Variants in LAMC3 observed in about 807,000 individuals in gnomAD.
LAMC3 encodes the protein laminin subunit gamma-3.
LAMC3 carries 128 observed loss-of-function variants against 173.8 expected under a neutral mutation model. That is an observed-to-expected ratio of 0.74 (90% confidence interval 0.64 to 0.85). The LOEUF (loss-of-function observed/expected upper bound fraction) is 0.85. LAMC3 is among the 40% of genes least tolerant of loss of function. The probability of loss-of-function intolerance (pLI) is 0.00; values close to 1 mark genes in which losing one functional copy is unlikely to be tolerated. For missense variants in LAMC3, 2,022 were observed against 2,156.0 expected (o/e 0.94, Z 1.23); for synonymous variants, 897 against 909.1 (o/e 0.99, Z 0.24).
chr9:131,064,386 G>A (rs537915723), intron 13 of LAMC3, among the ~76,000 whole-genome samples: 5 of 152,346 alleles, frequency 3.3e-5, no homozygotes, highest in East Asian at 3.9e-4. Context: ...GTACATGGCC[G>A]GGCACAGTGG....
At chr9:131,032,527 T>C (rs978704421) in intron 3 of LAMC3, among the ~76,000 whole-genome samples, 2 of 146,050 alleles carry the variant, frequency 1.4e-5, no homozygotes, top group Non-Finnish European at 3.0e-5. Flanking sequence ...TCTTGCTCTC[T>C]CTCGCTGTCT....
chr9:131,059,863 C>G (rs551074184), intron 12 of LAMC3, among the ~76,000 whole-genome samples: 19 of 152,316 alleles, frequency 1.2e-4, no homozygotes, highest in African/African-American at 4.1e-4. Flanking sequence ...GACAGTTCCC[C>G]CTGGATGCCA....
At chr9:131,013,801 C>G (rs1232232665) in intron 1 of LAMC3, among the ~76,000 whole-genome samples, 1 of 152,048 alleles carries the variant, frequency 6.6e-6, no homozygotes, top group African/African-American at 2.4e-5. Flanking sequence ...CCAGCCACAG[C>G]GAGGAGCCGG....
At chr9:131,044,238 G>A (rs947349334) in intron 7 of LAMC3, among the ~76,000 whole-genome samples, 16 of 151,608 alleles carry the variant, frequency 1.1e-4, no homozygotes, top group African/African-American at 2.4e-4. Flanking sequence ...CCGGCCAGGC[G>A]CGGTGGCTCA....
intron 23 of LAMC3, among the ~76,000 whole-genome samples, chr9:131,079,550 C>T (rs1469877165): frequency 1.3e-5 from 2 of 152,096 alleles, no homozygotes; most frequent in Non-Finnish European, 2.9e-5. Flanking sequence ...AAAAATTAGC[C>T]AGGCATGGTG....
chr9:131,078,653 C>G (rs1251206401), intron 22 of LAMC3, among the ~76,000 whole-genome samples: 2 of 152,218 alleles, frequency 1.3e-5, no homozygotes, highest in Admixed American at 1.3e-4. Context: ...GTTCTGCTTC[C>G]AGCACCACTC....
chr9:131,033,416 C>T (rs1163038694), intron 3 of LAMC3, among the ~76,000 whole-genome samples: 6 of 151,878 alleles, frequency 4.0e-5, no homozygotes, highest in Non-Finnish European at 7.4e-5. Context: ...TGCCTGGGGT[C>T]GGGGAGGACA....
chr9:131,067,454 T>C lies in LAMC3; in HGVS notation c.2593+249T>C, dbSNP rs72768520. On this transcript the variant is annotated intron_variant, in intron 14 of 27. Transcript: ENST00000361069. The stretch of plus-strand genomic sequence containing the variant: ...ACTCTGATCCGAAGCCTGGATTGTC[T>C]AGTGCTTACCTCCCACTCTGCAGTC... Among the ~76,000 whole-genome samples, 593 of 152,288 alleles carry C rather than the reference T, an allele frequency of 3.9e-3. 2 individuals are homozygous for C. Among genetic ancestry groups the C allele is most frequent in the Non-Finnish European group, 7.1e-3 (481 of 68,008 alleles).
intron 7 of LAMC3, among the ~76,000 whole-genome samples, chr9:131,042,285 C>T (rs1834071121): frequency 6.6e-6 from 1 of 151,668 alleles, no homozygotes; most frequent in South Asian, 2.1e-4. Context: ...CCACGGCAGA[C>T]CTATCACAGC....
At chr9:131,055,501 T>C (rs1834384363) in intron 11 of LAMC3, among the ~76,000 whole-genome samples, 1 of 142,056 alleles carries the variant, frequency 7.0e-6, no homozygotes. Context: ...CTCTGCTCAC[T>C]GCAAGCTCCG....
intron 13 of LAMC3, among the ~76,000 whole-genome samples, chr9:131,061,430 A>G (rs1430440961): frequency 6.6e-6 from 1 of 152,226 alleles, no homozygotes; most frequent in East Asian, 1.9e-4. Flanking sequence ...CATTGCCAGC[A>G]GAATTTGGGC....
intron 15 of LAMC3, 96 bp downstream of exon 15, chr9:131,068,327 T>C (rs1313659005): frequency 1.5e-6 from 2 of 1,311,348 alleles, no homozygotes; most frequent in Non-Finnish European, 2.1e-6. Flanking sequence ...TGGAAGGTGT[T>C]GTCCTAGGCC....
intron 2 of LAMC3, among the ~76,000 whole-genome samples, chr9:131,031,550 T>C (rs1033714555): frequency 6.6e-6 from 1 of 152,156 alleles, no homozygotes; most frequent in African/African-American, 2.4e-5. Flanking sequence ...CAGGCCCCAC[T>C]GAGCAGGGGA....
chr9:131,032,250 G>T, intron 3 of LAMC3, 75 bp downstream of exon 3: 1 of 457,330 alleles, frequency 2.2e-6, no homozygotes, highest in South Asian at 1.5e-5. Flanking sequence ...CTGCTGTGGG[G>T]TGGGGGGTGG....
intron 22 of LAMC3, among the ~76,000 whole-genome samples, chr9:131,078,847 G>T (rs1221163585): frequency 6.6e-6 from 1 of 152,238 alleles, no homozygotes; most frequent in Non-Finnish European, 1.5e-5. Context: ...CACGCAGCTA[G>T]AAATTGGTAG....
rs1409593756 is a variant in LAMC3, at chr9:131,093,255, C to G, written c.*1468C>G. On this transcript the variant is annotated 3_prime_UTR_variant, in exon 28 of 28. Transcript: ENST00000361069. ...GGGTTGTGTGATCACAGGTACCTACCCTGTCCTCTCAGGCACTTACCACGT... is the reference window on the plus strand; with the variant it reads ...GGGTTGTGTGATCACAGGTACCTACGCTGTCCTCTCAGGCACTTACCACGT... 2 of 152,262 alleles carry G rather than the reference C, an allele frequency of 1.3e-5. No individual in the cohort carries two copies. The highest frequency in any genetic ancestry group is 2.9e-5 in the Non-Finnish European group (2 of 68,104). 9.4% of individuals were successfully genotyped at this position (152,262 alleles called of 1,614,324 possible).
Position 131,039,028 on chromosome 9 carries a change from C to T in LAMC3, c.1141C>T (p.Gln381Ter). ...FYHWDPRMPC[Q>*]PCDCQSAGSL... ...TCACTGGGACCCGCGGATGCCATGC[C>T]AGCCCTGTGACTGCCAGTCGGCAGG... The change falls in exon 5 of 28, where the codon CAG (glutamine) becomes TAG (stop). Residue 381 changes from glutamine (Q) to a stop codon, truncating the protein, a stop_gained. Coordinates refer to ENST00000361069, the MANE Select transcript of LAMC3 (RefSeq NM_006059.4). LOFTEE classifies it high-confidence loss of function. The T allele has an allele frequency of 6.2e-7, 1 of 1,613,616 alleles. No homozygotes were observed. Among genetic ancestry groups the T allele is most frequent in the Non-Finnish European group, 8.5e-7 (1 of 1,179,980 alleles).
At chr9:131,013,119 G>A (rs894092491) in intron 1 of LAMC3, among the ~76,000 whole-genome samples, 7 of 152,224 alleles carry the variant, frequency 4.6e-5, no homozygotes, top group South Asian at 2.1e-4. Flanking sequence ...ATCCCAAACC[G>A]GCATGCTTTG....
intron 13 of LAMC3, among the ~76,000 whole-genome samples, chr9:131,064,651 G>A (rs577515904): frequency 4.0e-3 from 533 of 131,958 alleles, no homozygotes; most frequent in South Asian, 7.9e-3. Context: ...GTGAAAGAGC[G>A]AGACTCCGTC....
Sources: gnomAD v4.1 joint callset for allele counts (sites outside exome capture counted in the v4.1 genomes callset) on GRCh38, gnomAD v4.1.1 for gene constraint, MANE v1.5 for transcripts, NCBI Gene and HGNC (gene_info 2026-07-23, HGNC 2026-07-21) for gene names.